The following CFAP92 variants were observed in gnomAD, a reference collection of about 807,000 sequenced individuals.
The protein encoded by CFAP92 is cilia and flagella associated protein 92 (putative).
In CFAP92, 86 loss-of-function variants were observed where a neutral mutation model predicts 106.3. The ratio of observed to expected loss-of-function variants is 0.81; its 90% confidence interval spans 0.68 to 0.97. The LOEUF is 0.97. Ranked by LOEUF, CFAP92 falls within the 50% of genes least tolerant of loss-of-function variation. The pLI is 0.00. For missense variants in CFAP92, 1,204 were observed against 1,283.8 expected (o/e 0.94, Z 0.95); for synonymous variants, 477 against 506.4 (o/e 0.94, Z 0.78).
intron 11 of CFAP92, 110 bp downstream of exon 11, chr3:128,935,015 G>A: frequency 1.3e-6 from 1 of 788,472 alleles, no homozygotes; most frequent in Non-Finnish European, 1.9e-6. Flanking sequence ...CCATCTGTTG[G>A]GGCCACTATC....
chr3:128,948,779 C>T (rs1940511414), intron 9 of CFAP92, among the ~76,000 whole-genome samples: 2 of 152,048 alleles, frequency 1.3e-5, no homozygotes, highest in South Asian at 4.1e-4. Flanking sequence ...ATCCGCCCGC[C>T]TTAGCCTCCC....
intron 12 of CFAP92, among the ~76,000 whole-genome samples, chr3:128,926,008 T>C (rs1399220874): frequency 6.6e-6 from 1 of 151,996 alleles, no homozygotes; most frequent in Non-Finnish European, 1.5e-5. Flanking sequence ...ACTGAAACAA[T>C]GAAAAGACGA....
At chr3:128,976,953 C>T (rs1358121176) in intron 6 of CFAP92, 26 bp downstream of exon 6, 1 of 1,593,930 alleles carries the variant, frequency 6.3e-7, no homozygotes, top group Admixed American at 1.7e-5. Flanking sequence ...CCACTCCCAC[C>T]ACCCAAAATA....
At position 128,935,120 on chromosome 3, in the gene CFAP92, C is replaced by A; in HGVS notation, c.2453+5G>T. 6.6e-7 allele frequency: 1 copy of A among 1,511,108 alleles called. No individual in the cohort carries two copies. Among genetic ancestry groups the A allele is most frequent in the South Asian group, 1.2e-5 (1 of 81,478 alleles). The allele number at this position is 1,511,108 out of a possible 1,614,324, so 93.6% of individuals were successfully genotyped here. On this transcript the variant is annotated splice_donor_5th_base_variant and intron_variant, in intron 11 of 15. Transcript: ENST00000645291. ...CAGGACCACATGCGAGCTGCCACTGCCCACCTGGCTAGAGCCTGGAAGACC... is the reference window on the plus strand; with the variant it reads ...CAGGACCACATGCGAGCTGCCACTGACCACCTGGCTAGAGCCTGGAAGACC...
intron 9 of CFAP92, among the ~76,000 whole-genome samples, chr3:128,961,259 C>A (rs952144918): frequency 2.0e-5 from 3 of 152,094 alleles, no homozygotes; most frequent in Non-Finnish European, 4.4e-5. Flanking sequence ...CACATCAGTC[C>A]CTTCCTAGTC....
chr3:128,911,598 C>T (rs942963451), intron 15 of CFAP92, among the ~76,000 whole-genome samples: 1 of 151,878 alleles, frequency 6.6e-6, no homozygotes, highest in East Asian at 1.9e-4. Context: ...CCACCATGCC[C>T]AGCTAATATT....
chr3:129,005,685 G>C (rs1406790016), upstream of CFAP92, among the ~76,000 whole-genome samples: 1 of 152,196 alleles, frequency 6.6e-6, no homozygotes, highest in Non-Finnish European at 1.5e-5. Context: ...GGGTGGAGCA[G>C]CCAGAAGGGG....
At chr3:129,002,220 G>C (rs1301675280) in intron 1 of CFAP92, 10 of 1,528,844 alleles carry the variant, frequency 6.5e-6, no homozygotes, top group Non-Finnish European at 8.7e-6. Context: ...TCCTGACTGT[G>C]AGCGCGTTGC....
chr3:128,932,939 G>T lies in CFAP92; in HGVS notation c.2512C>A (p.Leu838Met), dbSNP rs1938559090. ...TLWDVTVRDL[L>M]PSSAMIKDLS... Reference sequence around the variant, plus strand: ...TCTTTTATCATAGCAGAGGAGGGCAGCAGGTCCCTCACCGTCACGTCCCAG... The same window carrying T: ...TCTTTTATCATAGCAGAGGAGGGCATCAGGTCCCTCACCGTCACGTCCCAG... The change falls in exon 12 of 16, where the codon CTG (leucine) becomes ATG (methionine). Residue 838 changes from leucine to methionine, a missense_variant. Transcript: ENST00000645291. The T allele has an allele frequency of 6.5e-7, 1 of 1,536,130 alleles. No homozygotes were observed. Among genetic ancestry groups the T allele is most frequent in the Non-Finnish European group, 8.7e-7 (1 of 1,146,902 alleles).
intron 11 of CFAP92, among the ~76,000 whole-genome samples, chr3:128,933,501 A>T (rs1360755538): frequency 6.6e-6 from 1 of 152,206 alleles, no homozygotes; most frequent in Non-Finnish European, 1.5e-5. Context: ...TGCAGTGGGC[A>T]TTGGGTCCAG....
chr3:128,988,250 T>TA (rs1943984651), intron 3 of CFAP92, among the ~76,000 whole-genome samples: 1 of 151,964 alleles, frequency 6.6e-6, no homozygotes, highest in Admixed American at 6.6e-5. Context: ...AATATCTAAA[T>TA]AAAAAATAGG....
the CFAP92 span, among the ~76,000 whole-genome samples, chr3:129,007,893 T>C: frequency 6.6e-6 from 1 of 152,240 alleles, no homozygotes; most frequent in South Asian, 2.1e-4. Flanking sequence ...CATTCAACCA[T>C]ACTAATTTTA....
chr3:128,961,235 C>T (rs1418999516), intron 9 of CFAP92, among the ~76,000 whole-genome samples: 1 of 152,168 alleles, frequency 6.6e-6, no homozygotes, highest in African/African-American at 2.4e-5. Flanking sequence ...GCCTGACGTC[C>T]CGGCATTCTT....
chr3:128,984,235 T>C (rs745791887), intron 4 of CFAP92, among the ~76,000 whole-genome samples: 1 of 152,228 alleles, frequency 6.6e-6, no homozygotes, highest in Non-Finnish European at 1.5e-5. Context: ...TCAACTTGAT[T>C]GAAGGAATGC....
chr3:128,909,955 AGGGAGGGACCATGT>A lies in CFAP92; in HGVS notation c.*330_*343del, dbSNP rs1297221872. On this transcript the variant is annotated 3_prime_UTR_variant, in exon 16 of 16. Transcript: ENST00000645291. Reference sequence around the variant, plus strand: ...ACTAAGACAGGCAAAGATGCAGCCCAGGGAGGGACCATGTGGGGGACTGGTCTAGGTAGTGAGTC... The same window carrying A: ...ACTAAGACAGGCAAAGATGCAGCCCAGGGGGACTGGTCTAGGTAGTGAGTC... 12 of 1,596,674 alleles carry A rather than the reference AGGGAGGGACCATGT, an allele frequency of 7.5e-6. No homozygotes were observed. The highest frequency in any genetic ancestry group is 2.7e-5 in the African/African-American group (2 of 74,880).
In CFAP92 at chr3:128,945,477, C is replaced by T. The variant is rs939186897; in HGVS notation, c.1852G>A (p.Gly618Ser). ...AGGTAGTTGCCCCTGGGCATTGGGC[C>T]GTGCTGGTGGCCATCTCTGGGGACC... Reference protein sequence around the residue: ...LGVPRDGHQHGPMPRGNYLEA... With the variant: ...LGVPRDGHQHSPMPRGNYLEA... Residue 618 changes from glycine (G) to serine (S), a missense_variant, in exon 10 of 16, where the codon GGC (glycine) becomes AGC (serine). Coordinates refer to ENST00000645291, the MANE Select transcript of CFAP92 (RefSeq NM_001394090.1). 2 of 1,536,112 alleles carry T rather than the reference C, an allele frequency of 1.3e-6. No homozygotes were observed. The highest frequency in any genetic ancestry group is 8.7e-7 in the Non-Finnish European group (1 of 1,146,892).
At chr3:128,910,623 T>C in intron 15 of CFAP92, 2 of 1,101,682 alleles carry the variant, frequency 1.8e-6, no homozygotes. Flanking sequence ...GTGACTCCTG[T>C]GCCAGGCCTT....
At chr3:128,929,207 A>G (rs1938055352) in intron 12 of CFAP92, among the ~76,000 whole-genome samples, 1 of 152,258 alleles carries the variant, frequency 6.6e-6, no homozygotes, top group Admixed American at 6.5e-5. Context: ...TCATTATAAA[A>G]TGCAAATTAA....
At chr3:128,942,339 C>T (rs755087515) in intron 10 of CFAP92, among the ~76,000 whole-genome samples, 1 of 152,216 alleles carries the variant, frequency 6.6e-6, no homozygotes, top group African/African-American at 2.4e-5. Flanking sequence ...TGGTGAGTGG[C>T]GGCATGCAAG....
Sources: allele counts gnomAD v4.1 joint callset (sites outside exome capture counted in the v4.1 genomes callset), GRCh38; gene constraint gnomAD v4.1.1; transcripts MANE v1.5; gene names NCBI Gene and HGNC (gene_info 2026-07-23, HGNC 2026-07-21).